NEK11: variants seen among roughly 807,000 people sequenced by gnomAD.
NEK11 encodes the protein NIMA related kinase 11, also known as serine/threonine-protein kinase Nek11.
Under a neutral mutation model 80.7 loss-of-function variants are expected in NEK11, and 72 were observed. That is an observed-to-expected ratio of 0.89 (90% CI 0.74 to 1.08). NEK11 has a LOEUF of 1.08. Among genes scored for constraint, NEK11 ranks in the 50% least tolerant of loss-of-function variants. The pLI is 0.00. For missense variants in NEK11, 764 were observed against 763.6 expected, an observed-to-expected ratio of 1.00 and a Z score of -0.01; for synonymous variants, 251 against 260.7, an observed-to-expected ratio of 0.96 and a Z score of 0.36.
At chr3:131,117,351 C>A (rs2081431891) in intron 5 of NEK11, among the ~76,000 whole-genome samples, 1 of 152,208 alleles carries the variant, frequency 6.6e-6, no homozygotes, top group South Asian at 2.1e-4. Context: ...GTTTTGGTGG[C>A]AGTACCGTGC....
chr3:131,288,450 C>CTTTCTTTCTTTCTTT (rs536834704), intron 17 of NEK11, among the ~76,000 whole-genome samples: 36 of 115,360 alleles, frequency 3.1e-4, no homozygotes, highest in Non-Finnish European at 5.3e-4. Context: ...TTCTTTCTTT[C>CTTTCTTTCTTTCTTT]TTTTTTTTTT....
chr3:131,339,481 T>C (rs1331763367), intron 17 of NEK11, among the ~76,000 whole-genome samples: 4 of 152,208 alleles, frequency 2.6e-5, no homozygotes, highest in Non-Finnish European at 2.9e-5. Flanking sequence ...CTTCGGTCTT[T>C]TCACTGTGCT....
At chr3:131,271,247 T>G (rs891445017) in intron 16 of NEK11, among the ~76,000 whole-genome samples, 4 of 152,226 alleles carry the variant, frequency 2.6e-5, no homozygotes, top group Non-Finnish European at 4.4e-5. Flanking sequence ...AACTGGTGAA[T>G]GTACTATGAG....
intron 14 of NEK11, among the ~76,000 whole-genome samples, chr3:131,203,747 A>ATGTGTGTGTG (rs1166405831): frequency 1.6e-5 from 1 of 64,292 alleles, no homozygotes; most frequent in African/African-American, 5.7e-5. Context: ...GTATATATAT[A>ATGTGTGTGTG]TGTGTGTGTG....
At chr3:131,280,237 A>G (rs576439136) in intron 17 of NEK11, among the ~76,000 whole-genome samples, 106 of 152,286 alleles carry the variant, frequency 7.0e-4, no homozygotes, top group African/African-American at 2.3e-3. Flanking sequence ...TCACCTTTGC[A>G]TTGCCAATTC....
intron 14 of NEK11, among the ~76,000 whole-genome samples, chr3:131,203,747 A>ATGTGTGTG (rs1166405831): frequency 7.8e-5 from 5 of 64,292 alleles, no homozygotes; most frequent in South Asian, 6.5e-4. Context: ...GTATATATAT[A>ATGTGTGTG]TGTGTGTGTG....
intron 17 of NEK11, among the ~76,000 whole-genome samples, chr3:131,290,842 C>T (rs752470811): frequency 3.9e-5 from 6 of 152,076 alleles, no homozygotes; most frequent in Non-Finnish European, 8.8e-5. Context: ...AGAGATTTCC[C>T]ATATATCTCC....
intron 3 of NEK11, among the ~76,000 whole-genome samples, chr3:131,077,906 C>T (rs2074627821): frequency 6.6e-6 from 1 of 152,168 alleles, no homozygotes; most frequent in Admixed American, 6.6e-5. Flanking sequence ...TGTTACCAAG[C>T]AGGCATTTCT....
At chr3:131,206,189 G>C (rs577108542) in intron 14 of NEK11, among the ~76,000 whole-genome samples, 3 of 152,108 alleles carry the variant, frequency 2.0e-5, no homozygotes, top group Non-Finnish European at 2.9e-5. Context: ...AAATAGTCAG[G>C]CTCTCCAGAT....
chr3:131,131,229 G>C (rs1186760184), intron 5 of NEK11, among the ~76,000 whole-genome samples: 1 of 152,188 alleles, frequency 6.6e-6, no homozygotes, highest in Non-Finnish European at 1.5e-5. Flanking sequence ...GGATGATGCT[G>C]ACATCTTAAA....
At chr3:131,342,747 A>T (rs934458277) in intron 17 of NEK11, among the ~76,000 whole-genome samples, 10 of 152,132 alleles carry the variant, frequency 6.6e-5, no homozygotes, top group African/African-American at 1.9e-4. Flanking sequence ...GTGTGTGTGT[A>T]TATGTATGCA....
At chr3:131,318,978 T>G (rs2096871324) in intron 17 of NEK11, among the ~76,000 whole-genome samples, 1 of 151,862 alleles carries the variant, frequency 6.6e-6, no homozygotes, top group African/African-American at 2.4e-5. Flanking sequence ...CATCATTAAT[T>G]TCTCTATAAT....
chr3:131,201,993 C>A (rs2094250470), intron 14 of NEK11, among the ~76,000 whole-genome samples: 1 of 152,072 alleles, frequency 6.6e-6, no homozygotes, highest in African/African-American at 2.4e-5. Context: ...CACAACCACA[C>A]CTGGCTAATT....
intron 14 of NEK11, among the ~76,000 whole-genome samples, chr3:131,171,916 G>T (rs538089996): frequency 6.6e-6 from 1 of 152,312 alleles, no homozygotes; most frequent in South Asian, 2.1e-4. Context: ...AGAAGCAGAT[G>T]CTAAGACTAG....
intron 12 of NEK11, among the ~76,000 whole-genome samples, chr3:131,166,201 A>C (rs979997515): frequency 6.6e-6 from 1 of 152,224 alleles, no homozygotes; most frequent in Admixed American, 6.5e-5. Flanking sequence ...GGTAAAAGCA[A>C]CTTGGGATGA....
chr3:131,116,849 T>C (rs1285017554), intron 5 of NEK11, among the ~76,000 whole-genome samples: 3 of 152,228 alleles, frequency 2.0e-5, no homozygotes, highest in Non-Finnish European at 4.4e-5. Flanking sequence ...TAAATTTGTT[T>C]AAGTTCTTTG....
intron 7 of NEK11, among the ~76,000 whole-genome samples, chr3:131,135,538 T>C (rs2085398838): frequency 6.6e-6 from 1 of 152,216 alleles, no homozygotes; most frequent in African/African-American, 2.4e-5. Flanking sequence ...GCAAAAGTGA[T>C]AGGATTCCTA....
intron 14 of NEK11, among the ~76,000 whole-genome samples, chr3:131,226,730 T>C (rs1373718337): frequency 1.3e-5 from 2 of 152,030 alleles, no homozygotes; most frequent in Non-Finnish European, 2.9e-5. Flanking sequence ...TTGGGTACAG[T>C]GTATACTACT....
intron 17 of NEK11, among the ~76,000 whole-genome samples, chr3:131,339,795 C>A (rs1256929867): frequency 6.6e-6 from 1 of 152,186 alleles, no homozygotes; most frequent in Non-Finnish European, 1.5e-5. Flanking sequence ...ACTATCAAAG[C>A]TTTGTTTTTA....
Sources: allele counts gnomAD v4.1 joint callset (sites outside exome capture counted in the v4.1 genomes callset), GRCh38; gene constraint gnomAD v4.1.1; transcripts MANE v1.5; gene names NCBI Gene and HGNC (gene_info 2026-07-23, HGNC 2026-07-21).